Variants in ATMIN observed in about 807,000 individuals in gnomAD.
ATMIN encodes the protein ATM INteracting protein.
In ATMIN, 24 loss-of-function variants were observed where a neutral mutation model predicts 49.2. That is an observed-to-expected ratio of 0.49 (90% CI 0.35 to 0.69). ATMIN has a LOEUF of 0.69. Among genes scored for constraint, ATMIN ranks in the 30% least tolerant of loss-of-function variants. The pLI is 0.00. For missense variants in ATMIN, 1,037 were observed against 1,005.5 expected, an observed-to-expected ratio of 1.03 and a Z score of -0.42; for synonymous variants, 450 against 392.5, an observed-to-expected ratio of 1.15 and a Z score of -1.73.
chr16:81,037,700 A>G (rs1162083829), intron 1 of ATMIN, among the ~76,000 whole-genome samples: 2 of 152,180 alleles, frequency 1.3e-5, no homozygotes, highest in African/African-American at 4.8e-5. Context: ...CAGTGGCGCC[A>G]TCTCAGCTCA....
chr16:81,043,828 G>T lies in ATMIN; in HGVS notation c.1330G>T (p.Asp444Tyr). ...CTCTGTGTCGTCTTGTTCTCAAACT[G>T]ATTTGTCGTTTGATTCTCAAGTGTC... ...DSSVSSCSQT[D>Y]LSFDSQVSLP... Residue 444 changes from aspartate (D) to tyrosine (Y), a missense_variant, in exon 4 of 4, where the codon GAT becomes TAT. By Grantham distance (160) the Asp-to-Tyr change is radical. Transcript: ENST00000299575. 1 of 1,614,186 alleles carries T rather than the reference G, an allele frequency of 6.2e-7. No individual in the cohort carries two copies. The highest frequency in any genetic ancestry group is 2.2e-5 in the East Asian group (1 of 44,886).
chr16:81,043,370 C>T lies in ATMIN; in HGVS notation c.872C>T (p.Pro291Leu). Reference protein sequence around the residue: ...KQTLTTPPRYPQKLLLPKPKV... With the variant: ...KQTLTTPPRYLQKLLLPKPKV... ...ACTCTTACAACACCACCGAGATATC[C>T]TCAGAAGTTGCTTTTACCAAAGCCC... The change falls in exon 4 of 4, where the codon CCT becomes CTT. Residue 291 changes from proline (P) to leucine (L), a missense_variant. Physicochemically the swap from Pro to Leu is moderately conservative, Grantham distance 98 (BLOSUM62 -3). Coordinates refer to ENST00000299575, the MANE Select transcript of ATMIN (RefSeq NM_015251.3). The T allele has an allele frequency of 1.2e-6, 2 of 1,614,096 alleles. No individual in the cohort carries two copies. The highest frequency in any genetic ancestry group is 1.7e-5 in the Admixed American group (1 of 60,014).
At position 81,044,216 on chromosome 16, in the gene ATMIN, G is replaced by C. The variant is rs144895396; in HGVS notation, c.1718G>C (p.Ser573Thr). 29 of 1,614,012 alleles carry C rather than the reference G, an allele frequency of 1.8e-5. No homozygotes were observed. Among genetic ancestry groups the C allele is most frequent in the South Asian group, 1.5e-4 (14 of 91,084 alleles). ...ATTATAAATTTCAGTGCACAGAATA[G>C]TATGCTTCCTTCACAGAACATGACA... ...APIINFSAQNSMLPSQNMTDN... is the reference protein window; with the variant it reads ...APIINFSAQNTMLPSQNMTDN... Residue 573 changes from serine to threonine, a missense_variant, in exon 4 of 4, where the codon AGT becomes ACT. Transcript: ENST00000299575.
At chr16:81,036,408 A>G (rs899620080) in intron 1 of ATMIN, among the ~76,000 whole-genome samples, 2 of 150,970 alleles carry the variant, frequency 1.3e-5, no homozygotes, top group Non-Finnish European at 3.0e-5. Context: ...TCTGGGGGGG[A>G]GGAGGAGCTG....
rs1234710073 is a variant in ATMIN at position 81,036,207 on chromosome 16, G to C, written c.336+1G>C. 1.4e-6 allele frequency: 2 copies of C among 1,430,270 alleles called. No individual in the cohort carries two copies. Among genetic ancestry groups the C allele is most frequent in the African/African-American group, 1.5e-5 (1 of 67,474 alleles). 88.6% of individuals were successfully genotyped at this position (1,430,270 alleles called of 1,614,324 possible). The stretch of plus-strand genomic sequence containing the variant: ...CCTAGTCAAGAGCCACCGCCTGCAG[G>C]TGAGCCCGACGCGGCCGGCGGCCCG... On this transcript the variant is annotated splice_donor_variant, in intron 1 of 3. Coordinates refer to ENST00000299575, the MANE Select transcript of ATMIN (RefSeq NM_015251.3). LOFTEE classifies it high-confidence loss of function.
chr16:81,042,600 G>T (rs936723638), intron 3 of ATMIN, 120 bp downstream of exon 3: 49 of 1,057,528 alleles, frequency 4.6e-5, no homozygotes, highest in Non-Finnish European at 6.1e-5. Flanking sequence ...GTGTGACGTG[G>T]AAGAAGGAAG....
intron 1 of ATMIN, among the ~76,000 whole-genome samples, chr16:81,039,271 G>A (rs1225101472): frequency 2.0e-5 from 3 of 152,178 alleles, no homozygotes; most frequent in East Asian, 1.9e-4. Context: ...CTTATAGTCA[G>A]TGGAAATTTT....
intron 1 of ATMIN, among the ~76,000 whole-genome samples, chr16:81,039,544 A>G (rs1441279907): frequency 1.3e-5 from 2 of 152,190 alleles, no homozygotes; most frequent in African/African-American, 4.8e-5. Flanking sequence ...GTATATGGCC[A>G]TATTCCATAT....
In ATMIN at chr16:81,044,497, T is replaced by C; in HGVS notation, c.1999T>C (p.Ser667Pro). 6.2e-7 allele frequency: 1 copy of C among 1,612,508 alleles called. No homozygotes were observed. The highest frequency in any genetic ancestry group is 1.7e-5 in the Admixed American group (1 of 59,848). The change falls in exon 4 of 4, where the codon TCA becomes CCA. Residue 667 changes from serine to proline, a missense_variant. Ser to Pro is a moderately conservative substitution (Grantham distance 74). Transcript: ENST00000299575. The stretch of plus-strand genomic sequence containing the variant: ...CATGACCACCGAGCCAGTCTTGGAG[T>C]CACTGGACATAGAGACTCAAACGGA... ...STMTTEPVLE[S>P]LDIETQTDFL...
In ATMIN at chr16:81,043,629, T is replaced by C. The variant is rs1971072547; in HGVS notation, c.1131T>C (p.Gly377=). Residue 377 remains glycine (G), a synonymous_variant, in exon 4 of 4, where the codon GGT becomes GGC. Transcript: ENST00000299575. ...TCAAAATTGCTAATCCTATTGCTGG[T>C]GAGCCAATAAGTACTGGTGTTCAAG... ...PLFKIANPIA[G]EPISTGVQVN... 8 of 1,614,122 alleles carry C rather than the reference T, an allele frequency of 5.0e-6. No homozygotes were observed. The South Asian group carries it at 8.8e-5, about 18-fold the overall frequency.
At chr16:81,036,854 G>T (rs945835327) in intron 1 of ATMIN, among the ~76,000 whole-genome samples, 1 of 152,178 alleles carries the variant, frequency 6.6e-6, no homozygotes, top group African/African-American at 2.4e-5. Flanking sequence ...AATAATTACT[G>T]TGTGTCGATT....
At chr16:81,037,702 C>T (rs1377443491) in intron 1 of ATMIN, among the ~76,000 whole-genome samples, 1 of 152,218 alleles carries the variant, frequency 6.6e-6, no homozygotes, top group Admixed American at 6.5e-5. Context: ...GTGGCGCCAT[C>T]TCAGCTCACT....
rs1271942958 is a variant in ATMIN at position 81,041,424 on chromosome 16, T to G, written c.405T>G (p.Ile135Met). ...GACCGAAATTCTACTGCTGTCCAAT[T>G]GAAGGCTGCCCCAGAGGCCCTGAGA... The part of the protein sequence containing the change: ...KTGPKFYCCP[I>M]EGCPRGPERP... Residue 135 changes from isoleucine to methionine, a missense_variant, in exon 2 of 4, where the codon ATT becomes ATG. Coordinates refer to ENST00000299575, the MANE Select transcript of ATMIN (RefSeq NM_015251.3). 1 of 1,614,074 alleles carries G rather than the reference T, an allele frequency of 6.2e-7. No individual in the cohort carries two copies. Among genetic ancestry groups the G allele is most frequent in the East Asian group, 2.2e-5 (1 of 44,878 alleles).
chr16:81,041,668 G>A, intron 2 of ATMIN, 187 bp downstream of exon 2: 1 of 634,600 alleles, frequency 1.6e-6, no homozygotes, highest in Non-Finnish European at 2.6e-6. Flanking sequence ...ACGGTCTGGA[G>A]GGAATATGTC....
In ATMIN at chr16:81,044,937, T is replaced by G. The variant is rs1432174771; in HGVS notation, c.2439T>G (p.Thr813=). The G allele has an allele frequency of 6.2e-7, 1 of 1,613,902 alleles. No individual in the cohort carries two copies. Among genetic ancestry groups the G allele is most frequent in the African/African-American group, 1.3e-5 (1 of 75,036 alleles). Reference sequence around the variant, plus strand: ...AGTTCAGCTCTGTAGAAACCCAGACTTCTGCGGAACCACACACAGTCTCCA... The same window carrying G: ...AGTTCAGCTCTGTAGAAACCCAGACGTCTGCGGAACCACACACAGTCTCCA... ...ESQFSSVETQ[T]SAEPHTVSNF is the part of the protein sequence containing the mutation. The change falls in exon 4 of 4, where the codon ACT becomes ACG. Residue 813 remains threonine, a synonymous_variant. Transcript: ENST00000299575.
Position 81,045,589 on chromosome 16 carries a change from C to T in ATMIN, c.*619C>T, listed in dbSNP as rs1158504543. On this transcript the variant is annotated 3_prime_UTR_variant, in exon 4 of 4. Transcript: ENST00000299575. ...GAAGCAGTTTTCATGTAATCATTGC[C>T]ACCTCTTCGCTACATGAACTACTAT... 1 of 152,702 alleles carries T rather than the reference C, an allele frequency of 6.5e-6. No homozygotes were observed. Among genetic ancestry groups the T allele is most frequent in the Admixed American group, 6.5e-5 (1 of 15,322 alleles). The allele number at this position is 152,702 out of a possible 1,614,324, so 9.5% of individuals were successfully genotyped here. A position where few individuals can be genotyped will look rare whatever the true frequency, so the allele number is the denominator to read the frequency against.
At chr16:81,036,341 C>CCCT in intron 1 of ATMIN, 135 bp downstream of exon 1, 1 of 869,090 alleles carries the variant, frequency 1.2e-6, no homozygotes, top group Non-Finnish European at 1.4e-6. Flanking sequence ...CCGGCCTCTG[C>CCCT]CCTCCCCGGC....
rs532207747 is a variant in ATMIN, at chr16:81,037,506, C to T, written c.336+1300C>T. On this transcript the variant is annotated intron_variant, in intron 1 of 3. Transcript: ENST00000299575. The stretch of plus-strand genomic sequence containing the variant: ...CTGAGGAAGACCGTGCAGGTGGGGC[C>T]GAATTGTTGGACTGAAAAGCTCTGG... The T allele has an allele frequency of 2.7e-5, 27 of 985,280 alleles. No individual in the cohort carries two copies. In the South Asian group the frequency reaches 5.6e-4, roughly 21 times the overall value. 61.0% of individuals were successfully genotyped at this position (985,280 alleles called of 1,614,324 possible).
chr16:81,036,097 T>A lies in ATMIN; in HGVS notation c.227T>A (p.Leu76Gln). 7.3e-7 allele frequency: 1 copy of A among 1,366,316 alleles called. No homozygotes were observed. Among genetic ancestry groups the A allele is most frequent in the Non-Finnish European group, 9.6e-7 (1 of 1,046,918 alleles). The allele number at this position is 1,366,316 out of a possible 1,614,324, so 84.6% of individuals were successfully genotyped here. Residue 76 changes from leucine (L) to glutamine (Q), a missense_variant, in exon 1 of 4, where the codon CTG becomes CAG. Transcript: ENST00000299575. ...CTGATCCAGCCGTCGGTGAGCGAGC[T>A]GTCCCGGGCCGTGCGGACCAACATC... ...GELIQPSVSELSRAVRTNILC... is the reference protein window; with the variant it reads ...GELIQPSVSEQSRAVRTNILC...
Sources: gnomAD v4.1 joint callset for allele counts (sites outside exome capture counted in the v4.1 genomes callset) on GRCh38, gnomAD v4.1.1 for gene constraint, MANE v1.5 for transcripts, NCBI Gene and HGNC (gene_info 2026-07-23, HGNC 2026-07-21) for gene names.